The following BAZ2B variants were observed in gnomAD, a reference collection of about 807,000 sequenced individuals.
BAZ2B encodes bromodomain adjacent to zinc finger domain 2B, also known as bromodomain adjacent to zinc finger domain protein 2B.
A neutral mutation model predicts 246.0 loss-of-function variants in BAZ2B; 91 were observed. The ratio of observed to expected loss-of-function variants is 0.37; its 90% CI spans 0.31 to 0.44. BAZ2B has a LOEUF of 0.44. BAZ2B is among the 20% of genes least tolerant of loss of function. BAZ2B has a pLI of 1.00. For missense variants in BAZ2B, 2,332 were observed against 2,533.7 expected, an observed-to-expected ratio of 0.92 and a Z score of 1.71; for synonymous variants, 855 against 860.0, an observed-to-expected ratio of 0.99 and a Z score of 0.10.
intron 27 of BAZ2B, among the ~76,000 whole-genome samples, chr2:159,354,313 A>C (rs2058852649): frequency 6.6e-6 from 1 of 151,662 alleles, no homozygotes; most frequent in South Asian, 2.1e-4. Context: ...TTTACATTCA[A>C]ATTGCTTAAT....
chr2:159,479,155 A>C (rs1212536501), intron 2 of BAZ2B, among the ~76,000 whole-genome samples: 3 of 152,144 alleles, frequency 2.0e-5, no homozygotes, highest in Non-Finnish European at 4.4e-5. Flanking sequence ...TACAGATAGC[A>C]ATATACTTGT....
chr2:159,676,213 A>G, the BAZ2B span, among the ~76,000 whole-genome samples: 1 of 144,908 alleles, frequency 6.9e-6, no homozygotes, highest in Non-Finnish European at 1.5e-5. Context: ...TTTTTTTTTT[A>G]GTACAGATGA....
intron 34 of BAZ2B, among the ~76,000 whole-genome samples, chr2:159,330,008 T>C (rs559283304): frequency 2.6e-5 from 4 of 152,336 alleles, no homozygotes; most frequent in South Asian, 4.1e-4. Flanking sequence ...TAATTTTATG[T>C]ACATCAGTGA....
chr2:159,674,148 A>C, the BAZ2B span, among the ~76,000 whole-genome samples: 7 of 152,058 alleles, frequency 4.6e-5, no homozygotes, highest in African/African-American at 1.4e-4. Flanking sequence ...GTTCAAGACC[A>C]GCCTAGGCAA....
At chr2:159,578,686 C>A (rs1409573168) in intron 1 of BAZ2B, among the ~76,000 whole-genome samples, 1 of 152,146 alleles carries the variant, frequency 6.6e-6, no homozygotes, top group Non-Finnish European at 1.5e-5. Flanking sequence ...TAAAGCACTC[C>A]TCAGCAAATG....
At chr2:159,621,732 G>A in the BAZ2B span, among the ~76,000 whole-genome samples, 1 of 152,172 alleles carries the variant, frequency 6.6e-6, no homozygotes. Context: ...AGCACTTTGG[G>A]AGGCCAAGGC....
At chr2:159,495,407 C>G in intron 2 of BAZ2B, among the ~76,000 whole-genome samples, 1 of 135,812 alleles carries the variant, frequency 7.4e-6, no homozygotes, top group Non-Finnish European at 1.5e-5. Flanking sequence ...ATGGCGTGAA[C>G]CCGGGAGGCG....
At chr2:159,489,075 C>T (rs539792921) in intron 2 of BAZ2B, among the ~76,000 whole-genome samples, 6 of 152,292 alleles carry the variant, frequency 3.9e-5, no homozygotes, top group South Asian at 4.1e-4. Context: ...CTCTCATTTA[C>T]GCTTTTCCCC....
chr2:159,453,864 TCA>T, intron 3 of BAZ2B, 63 bp from the exon 4 acceptor site: 1 of 1,307,544 alleles, frequency 7.6e-7, no homozygotes. Context: ...TTATCTGATT[TCA>T]GTGTTTATAG....
downstream of BAZ2B, among the ~76,000 whole-genome samples, chr2:159,316,711 A>AG (rs2062166544): frequency 6.7e-6 from 1 of 150,014 alleles, no homozygotes; most frequent in African/African-American, 2.5e-5. Flanking sequence ...AAAAAAAAAA[A>AG]AAAAAAGAAA....
chr2:159,601,638 T>C (rs1452568570), intron 1 of BAZ2B, among the ~76,000 whole-genome samples: 1 of 151,984 alleles, frequency 6.6e-6, no homozygotes, highest in South Asian at 2.1e-4. Flanking sequence ...GGAGAATCAC[T>C]TGAACCTGGG....
intron 35 of BAZ2B, 89 bp downstream of exon 35, chr2:159,325,562 ATC>A: frequency 7.4e-7 from 1 of 1,346,720 alleles, no homozygotes; most frequent in Non-Finnish European, 1.0e-6. Flanking sequence ...TACATAAATT[ATC>A]AGAAAGAAAG....
chr2:159,479,724 A>G (rs992910936), intron 2 of BAZ2B, among the ~76,000 whole-genome samples: 1 of 152,176 alleles, frequency 6.6e-6, no homozygotes, highest in African/African-American at 2.4e-5. Context: ...TGTTTGCCTA[A>G]TTGTTGATTG....
At chr2:159,533,780 T>G (rs561522058) in intron 2 of BAZ2B, among the ~76,000 whole-genome samples, 1 of 152,328 alleles carries the variant, frequency 6.6e-6, no homozygotes, top group Admixed American at 6.5e-5. Flanking sequence ...ATATCCTTTA[T>G]GAGCAACTAA....
chr2:159,394,109 G>A (rs1312628002), intron 20 of BAZ2B, among the ~76,000 whole-genome samples: 1 of 151,620 alleles, frequency 6.6e-6, no homozygotes, highest in African/African-American at 2.4e-5. Flanking sequence ...GGCAAGCCCT[G>A]GTTCTTTTTA....
At chr2:159,587,167 C>G (rs1167869278) in intron 1 of BAZ2B, among the ~76,000 whole-genome samples, 1 of 152,032 alleles carries the variant, frequency 6.6e-6, no homozygotes, top group Non-Finnish European at 1.5e-5. Flanking sequence ...CAAGCTCCAC[C>G]TCCCGGGTTC....
intron 33 of BAZ2B, among the ~76,000 whole-genome samples, chr2:159,334,393 G>A (rs1241447063): frequency 6.6e-6 from 1 of 152,166 alleles, no homozygotes; most frequent in Non-Finnish European, 1.5e-5. Context: ...ACTGTGGGTA[G>A]AGAATTATCT....
intron 2 of BAZ2B, among the ~76,000 whole-genome samples, chr2:159,482,758 A>G (rs2079380787): frequency 6.6e-6 from 1 of 152,228 alleles, no homozygotes; most frequent in Non-Finnish European, 1.5e-5. Flanking sequence ...AAAAATTAAT[A>G]CATTCATTTT....
At chr2:159,395,282 G>A (rs1466151550) in intron 20 of BAZ2B, 1 of 152,172 alleles carries the variant, frequency 6.6e-6, no homozygotes. Flanking sequence ...CTCCAAATAA[G>A]CTCATTCTGA....
Sources: allele counts gnomAD v4.1 joint callset (sites outside exome capture counted in the v4.1 genomes callset), GRCh38; gene constraint gnomAD v4.1.1; transcripts MANE v1.5; gene names NCBI Gene and HGNC (gene_info 2026-07-23, HGNC 2026-07-21).